CACNA1G: variants seen among roughly 807,000 people sequenced by gnomAD.
The protein encoded by CACNA1G is voltage-dependent T-type calcium channel subunit alpha-1G.
In CACNA1G, 67 loss-of-function variants were observed where a neutral mutation model predicts 219.4. The observed-to-expected ratio is 0.31, with a 90% CI of 0.25 to 0.37. The LOEUF (loss-of-function observed/expected upper bound fraction) is 0.37. CACNA1G is among the 10% of genes least tolerant of loss of function. CACNA1G has a pLI of 1.00. For missense variants in CACNA1G, 2,380 were observed against 3,231.4 expected, an observed-to-expected ratio of 0.74 and a Z score of 6.39; for synonymous variants, 1,296 against 1,345.3, an observed-to-expected ratio of 0.96 and a Z score of 0.80.
intron 8 of CACNA1G, 39 bp downstream of exon 8, chr17:50,576,365 TGGGGACTGGGTGGCGTCCCAGA>T: frequency 6.5e-7 from 1 of 1,548,458 alleles, no homozygotes; most frequent in East Asian, 2.4e-5. Context: ...TGCCCTCGTC[TGGGGACTGGGTGGCGTCCCAGA>T]GGGGACTAGG....
Position 50,596,660 on chromosome 17 carries a change from C to G in CACNA1G, c.3064+14C>G. 1 of 1,613,770 alleles carries G rather than the reference C, an allele frequency of 6.2e-7. No individual in the cohort carries two copies. The highest frequency in any genetic ancestry group is 1.1e-5 in the South Asian group (1 of 91,064). On this transcript the variant is annotated intron_variant, in intron 15 of 37. Coordinates refer to ENST00000359106, the MANE Select transcript of CACNA1G (RefSeq NM_018896.5). The surrounding 1 kb of genome is among the most constrained non-coding windows in gnomAD (Gnocchi z 4.8). ...AGTGCTTGGCCTGTGAGTACCTATC[C>G]TGGGGTGCGACTTTTGGCCCTGGGC...
chr17:50,615,720 C>A (rs1010742752), intron 27 of CACNA1G, among the ~76,000 whole-genome samples: 31 of 152,238 alleles, frequency 2.0e-4, no homozygotes, highest in African/African-American at 7.2e-4. Context: ...TTGATGTGGC[C>A]AAGGTCACAC....
chr17:50,579,019 G>T (rs1230258213), intron 9 of CACNA1G, among the ~76,000 whole-genome samples: 1 of 152,132 alleles, frequency 6.6e-6, no homozygotes, highest in Non-Finnish European at 1.5e-5. Context: ...GGGTGCAGAG[G>T]GGAGGGTTGG....
intron 26 of CACNA1G, 99 bp downstream of exon 26, chr17:50,610,034 G>A (rs2048876779): frequency 3.2e-6 from 4 of 1,261,396 alleles, no homozygotes; most frequent in Non-Finnish European, 3.4e-6. Flanking sequence ...AAAGGGTGAG[G>A]GTCCCTGGGG....
chr17:50,564,125 AGTGTGTGTGT>A (rs67152102), intron 1 of CACNA1G, among the ~76,000 whole-genome samples: 30 of 138,698 alleles, frequency 2.2e-4, no homozygotes, highest in African/African-American at 5.2e-4. Context: ...CCAGGTAGGA[AGTGTGTGTGT>A]GTGTGTGTGT....
rs983901928 is a variant in CACNA1G, at chr17:50,621,540, GC to G, written c.5926-114del. 1.7e-5 allele frequency: 19 copies of G among 1,117,548 alleles called. No homozygotes were observed. The highest frequency in any genetic ancestry group is 2.3e-5 in the Non-Finnish European group (18 of 785,688). 69.2% of individuals were successfully genotyped at this position (1,117,548 alleles called of 1,614,324 possible). ...GAGAGAGAAGGGATGCCTTTTTCCC[GC>G]CCCCCTGTGCTTCGTGAAAAGGGGG... On this transcript the variant is annotated intron_variant, in intron 34 of 37. Coordinates refer to ENST00000359106, the MANE Select transcript of CACNA1G (RefSeq NM_018896.5). This position sits in a 1 kb window ranked among gnomAD's most constrained non-coding sequence, Gnocchi z 4.6.
rs56957140 is a variant in CACNA1G, at chr17:50,572,045, G to A, written c.746+8G>A. ...ACCTGAGAATTTCAGCCTGTGAGTG[G>A]TGGACAGGGTCCAGGGAGGACCTGG... On this transcript the variant is annotated splice_region_variant and intron_variant, in intron 5 of 37. Transcript: ENST00000359106. The A allele has an allele frequency of 1.2e-6, 2 of 1,613,004 alleles. No individual in the cohort carries two copies. Among genetic ancestry groups the A allele is most frequent in the African/African-American group, 2.7e-5 (2 of 74,912 alleles).
chr17:50,605,634 G>A lies in CACNA1G; in HGVS notation c.4297-264G>A, dbSNP rs534944717. On this transcript the variant is annotated intron_variant, in intron 22 of 37. Transcript: ENST00000359106. ...CACTTGGCACACGCCTGGCCTAACC[G>A]TTGGTGGAAGATGAATGACTGTTAC... Among the ~76,000 whole-genome samples the A allele has an allele frequency of 6.6e-5, 10 of 152,302 alleles. No homozygotes were observed. In the South Asian group the frequency reaches 1.5e-3, roughly 22 times the overall value.
chr17:50,570,555 C>CTGTGTGTGTGTGTGTGTGTG (rs1567968090), intron 4 of CACNA1G, among the ~76,000 whole-genome samples: 1 of 37,028 alleles, frequency 2.7e-5, no homozygotes, highest in Admixed American at 2.7e-4. Context: ...GCCCCCTGCG[C>CTGTGTGTGTGTGTGTGTGTG]TCTGTGTGTG....
chr17:50,603,213 C>T lies in CACNA1G; in HGVS notation c.4169+14C>T. On this transcript the variant is annotated intron_variant, in intron 21 of 37. Coordinates refer to ENST00000359106, the MANE Select transcript of CACNA1G (RefSeq NM_018896.5). The surrounding 1 kb of genome is among the most constrained non-coding windows in gnomAD (Gnocchi z 6.4). ...GCGCCCGCTCAGGTGACTCCCTCCCCAGCACTGGAACACCTCCAAGAGGTG... is the reference window on the plus strand; with the variant it reads ...GCGCCCGCTCAGGTGACTCCCTCCCTAGCACTGGAACACCTCCAAGAGGTG... 1.3e-6 allele frequency: 2 copies of T among 1,597,412 alleles called. No homozygotes were observed. The highest frequency in any genetic ancestry group is 1.7e-6 in the Non-Finnish European group (2 of 1,178,294).
chr17:50,595,773 C>T lies in CACNA1G; in HGVS notation c.2979+712C>T, dbSNP rs540440789. On this transcript the variant is annotated intron_variant, in intron 14 of 37. Transcript: ENST00000359106. ...CCATGGTGCTGCATATCCCGAGCAG[C>T]CCCCTGGAGATCCCACTTGATAATT... Among the ~76,000 whole-genome samples the T allele has an allele frequency of 6.6e-5, 10 of 152,364 alleles. No individual in the cohort carries two copies. The East Asian group carries it at 1.9e-3, about 29-fold the overall frequency.
chr17:50,613,220 T>G (rs2049635895), intron 26 of CACNA1G, among the ~76,000 whole-genome samples: 1 of 152,176 alleles, frequency 6.6e-6, no homozygotes. Context: ...TCTCTCCCTC[T>G]GAAAAACAAA....
chr17:50,602,479 C>A (rs1336961161), intron 19 of CACNA1G, among the ~76,000 whole-genome samples: 1 of 152,174 alleles, frequency 6.6e-6, no homozygotes, highest in African/African-American at 2.4e-5. Flanking sequence ...GAGATCCTGC[C>A]CCAGTTTTTA....
rs2047976619 is a variant in CACNA1G, at chr17:50,606,396, A to AT, written c.4422+373_4422+374insT. 26 of 599,012 alleles carry AT rather than the reference A, an allele frequency of 4.3e-5. 3 individuals are homozygous for AT. Among genetic ancestry groups the AT allele is most frequent in the Admixed American group, 2.9e-4 (10 of 34,054 alleles). The allele number at this position is 599,012 out of a possible 1,614,324, so 37.1% of individuals were successfully genotyped here. A position where few individuals can be genotyped will look rare whatever the true frequency, so the allele number is the denominator to read the frequency against. On this transcript the variant is annotated intron_variant, in intron 23 of 37. Transcript: ENST00000359106. ...CACCATTGTCAGCTCAATGACCTGG[A>AT]GCAGCTGACTTACCAGGGCCTCAGT... is the stretch of plus-strand genomic sequence containing the variant.
rs2041101503 is a variant in CACNA1G, at chr17:50,578,039, G to C, written c.1925-149G>C. On this transcript the variant is annotated intron_variant, in intron 8 of 37. Coordinates refer to ENST00000359106, the MANE Select transcript of CACNA1G (RefSeq NM_018896.5). The surrounding 1 kb of genome is among the most constrained non-coding windows in gnomAD (Gnocchi z 4.5). ...TGGGTCAAGACTGCCCACCTTGCCT[G>C]ACATTCAGCACCCCTGGCCCACTAA... The C allele has an allele frequency of 2.3e-6, 2 of 861,660 alleles. No individual in the cohort carries two copies. The highest frequency in any genetic ancestry group is 6.2e-5 in the Admixed American group (2 of 32,478). The allele number at this position is 861,660 out of a possible 1,614,324, so 53.4% of individuals were successfully genotyped here.
At chr17:50,585,504 C>T (rs113296147) in intron 9 of CACNA1G, among the ~76,000 whole-genome samples, 4 of 152,112 alleles carry the variant, frequency 2.6e-5, no homozygotes, top group Non-Finnish European at 5.9e-5. Context: ...GGGGAATAAG[C>T]GTAGAATGAA....
chr17:50,579,662 G>A (rs765018213), intron 9 of CACNA1G, among the ~76,000 whole-genome samples: 3 of 152,152 alleles, frequency 2.0e-5, no homozygotes, highest in South Asian at 2.1e-4. Context: ...GGGGTAGCAC[G>A]GAGGCACTGG....
At chr17:50,565,939 TC>T (rs2037711489) in intron 1 of CACNA1G, among the ~76,000 whole-genome samples, 1 of 152,136 alleles carries the variant, frequency 6.6e-6, no homozygotes, top group Non-Finnish European at 1.5e-5. Context: ...TCCTACCCCC[TC>T]TTTGGGATCC....
At position 50,561,271 on chromosome 17, in the gene CACNA1G, G is replaced by A. The variant is rs954409365; in HGVS notation, c.-189G>A. On this transcript the variant is annotated 5_prime_UTR_variant, in exon 1 of 38. Coordinates refer to ENST00000359106, the MANE Select transcript of CACNA1G (RefSeq NM_018896.5). ...GGGCGGGGTTTCCCTGCGCCCCGGC[G>A]CCCCGCGGGCAGCATGCCCCTGCGG... 1 of 607,620 alleles carries A rather than the reference G, an allele frequency of 1.6e-6. No individual in the cohort carries two copies. Among genetic ancestry groups the A allele is most frequent in the Non-Finnish European group, 2.7e-6 (1 of 366,152 alleles). The allele number at this position is 607,620 out of a possible 1,614,324, so 37.6% of individuals were successfully genotyped here.
Sources: allele counts gnomAD v4.1 joint callset (sites outside exome capture counted in the v4.1 genomes callset), GRCh38; gene constraint gnomAD v4.1.1; non-coding constraint Gnocchi (gnomAD v3.1); transcripts MANE v1.5; gene names NCBI Gene and HGNC (gene_info 2026-07-23, HGNC 2026-07-21).